The following TMEM200C variants were observed in gnomAD, a reference collection of about 807,000 sequenced individuals.
TMEM200C encodes the protein transmembrane protein 200C, also known as transmembrane protein TTMA.
For synonymous variants in TMEM200C, 462 were observed against 324.7 expected (o/e 1.42, Z -4.55); for missense variants, 966 against 699.9 (o/e 1.38, Z -4.29).
exon 3 of TMEM200C, chr18:5,882,559 T>C (rs1022441450): frequency 6.6e-6 from 1 of 152,182 alleles, no homozygotes; most frequent in African/African-American, 2.4e-5. Context: ...TGCACTTCAA[T>C]TGTGTTTTGG....
rs371186090 is a variant in TMEM200C, at chr18:5,894,131, G to A, written c.-95+899C>T. On this transcript the variant is annotated intron_variant, in intron 2 of 2. Coordinates refer to ENST00000581347, the Ensembl canonical transcript of TMEM200C. Reference sequence around the variant, plus strand: ...CAGGGTGGCTCTCCCACCGCAGAAAGGCTACATGTTTTGTTGGGCATTGAT... The same window carrying A: ...CAGGGTGGCTCTCCCACCGCAGAAAAGCTACATGTTTTGTTGGGCATTGAT... Among the ~76,000 whole-genome samples, 26 of 152,254 alleles carry A rather than the reference G, an allele frequency of 1.7e-4. 1 individual carries two copies. Among genetic ancestry groups the A allele is most frequent in the African/African-American group, 6.3e-4 (26 of 41,534 alleles).
exon 3 of TMEM200C, chr18:5,882,714 T>C (rs1019082621): frequency 2.0e-5 from 3 of 152,180 alleles, no homozygotes; most frequent in African/African-American, 7.2e-5. Context: ...TTATTATTAC[T>C]ATTACTATCA....
chr18:5,890,572 T>C (rs7506026), exon 3 of TMEM200C: 80,663 of 1,345,044 alleles, frequency 0.06, 2,658 homozygotes, highest in African/African-American at 0.083. Context: ...GCCAGAGGGC[T>C]GGAGTCCGGG....
chr18:5,890,386 C>G (rs11751), exon 3 of TMEM200C: 2 of 1,584,524 alleles, frequency 1.3e-6, no homozygotes, highest in Non-Finnish European at 1.7e-6. Flanking sequence ...ACAGCAGAGT[C>G]TCGCGTTTGA....
chr18:5,890,586 G>GCACT lies in TMEM200C; in HGVS notation c.1474_1477dup (p.Ala493GlufsTer38). The GCACT allele has an allele frequency of 7.9e-7, 1 of 1,271,150 alleles. No homozygotes were observed. The highest frequency in any genetic ancestry group is 1.0e-6 in the Non-Finnish European group (1 of 993,182). 78.7% of individuals were successfully genotyped at this position (1,271,150 alleles called of 1,614,324 possible). A position where few individuals can be genotyped will look rare whatever the true frequency, so the allele number is the denominator to read the frequency against. On this transcript the variant is annotated frameshift_variant, in exon 3 of 3. Coordinates refer to ENST00000581347, the Ensembl canonical transcript of TMEM200C. LOFTEE classifies it low-confidence loss of function (END_TRUNC). ...GGCCAGAGGGCTGGAGTCCGGGTCC[G>GCACT]CACTCCCCGGGGAGGGCGGGGGCTC...
chr18:5,890,964 G>A (rs1029984068), exon 3 of TMEM200C: 17 of 660,874 alleles, frequency 2.6e-5, no homozygotes, highest in Non-Finnish European at 4.6e-5. Flanking sequence ...GGAGCTGGCC[G>A]TGCTCTGGCG....
In TMEM200C at chr18:5,891,711, C is replaced by T. The variant is rs1299815796; in HGVS notation, c.353G>A (p.Arg118Lys). Residue 118 changes from arginine (R) to lysine (K), a missense_variant, in exon 3 of 3, where the codon AGG becomes AAG. Coordinates refer to ENST00000581347, the Ensembl canonical transcript of TMEM200C. This position sits in a 1 kb window ranked among gnomAD's most constrained non-coding sequence, Gnocchi z 4.7. ...ACTGGAGTTGACACCCCCTGGAGCC[C>T]TAGGGTGGCTCCTGGACCGGTTTTT... The T allele has an allele frequency of 6.2e-7, 1 of 1,613,248 alleles. No individual in the cohort carries two copies. Among genetic ancestry groups the T allele is most frequent in the Non-Finnish European group, 8.5e-7 (1 of 1,179,820 alleles).
At chr18:5,894,059 G>C (rs1176685710) in intron 2 of TMEM200C, among the ~76,000 whole-genome samples, 1 of 152,150 alleles carries the variant, frequency 6.6e-6, no homozygotes, top group Non-Finnish European at 1.5e-5. Flanking sequence ...TCTTAAGAAG[G>C]CTTTAAGGAC....
Position 5,891,143 on chromosome 18 carries a change from A to C in TMEM200C, c.921T>G (p.Ser307=). 2.0e-6 allele frequency: 1 copy of C among 499,392 alleles called. No individual in the cohort carries two copies. Among genetic ancestry groups the C allele is most frequent in the Non-Finnish European group, 3.2e-6 (1 of 307,806 alleles). The allele number at this position is 499,392 out of a possible 1,614,324, so 30.9% of individuals were successfully genotyped here. ...GGGGCTCCCGCGGACAGCGCGGGGA[A>C]GAGGCCAGGTCCGGCGGGGACGCGG... Residue 307 remains serine (S), a synonymous_variant, in exon 3 of 3, where the codon TCT becomes TCG. Coordinates refer to ENST00000581347, the Ensembl canonical transcript of TMEM200C. The surrounding 1 kb of genome is among the most constrained non-coding windows in gnomAD (Gnocchi z 4.7).
upstream of TMEM200C, among the ~76,000 whole-genome samples, chr18:5,896,114 C>T (rs1337045231): frequency 6.6e-6 from 1 of 152,126 alleles, no homozygotes; most frequent in Non-Finnish European, 1.5e-5. Flanking sequence ...GAACTCGGGC[C>T]CGGGCGGAGT....
chr18:5,895,646 G>A (rs1489209342), intron 1 of TMEM200C, among the ~76,000 whole-genome samples, 124 bp from the exon 1 acceptor site: 2 of 136,556 alleles, frequency 1.5e-5, no homozygotes, highest in Non-Finnish European at 3.1e-5. Flanking sequence ...CGCGTCCTCC[G>A]CCGCCCGCCG....
At chr18:5,890,612 G>C (rs986311106) in exon 3 of TMEM200C, 2 of 1,067,758 alleles carry the variant, frequency 1.9e-6, no homozygotes, top group Non-Finnish European at 2.4e-6. Context: ...GCGGGGGCTC[G>C]GGGGACGGCG....
At chr18:5,884,287 T>C (rs2095163826) in exon 3 of TMEM200C, 1 of 152,140 alleles carries the variant, frequency 6.6e-6, no homozygotes. Flanking sequence ...TAAATTGTGT[T>C]TTGTGTTCTG....
exon 3 of TMEM200C, chr18:5,886,430 T>G (rs750761451): frequency 1.5e-4 from 23 of 152,158 alleles, no homozygotes; most frequent in Non-Finnish European, 2.9e-4. Flanking sequence ...AAGGAGCATA[T>G]GTCTAGCTCT....
In TMEM200C at chr18:5,890,903, GC is replaced by G; in HGVS notation, c.1160del (p.Gly387AlafsTer34). On this transcript the variant is annotated frameshift_variant, in exon 3 of 3. Coordinates refer to ENST00000581347, the Ensembl canonical transcript of TMEM200C. LOFTEE classifies it low-confidence loss of function (END_TRUNC). ...CCTCCGCGTCCCCGCCCCTATCGCG[GC>G]CCCCTTGCAAGGGCAGCAGCGCGAA... is the stretch of plus-strand genomic sequence containing the variant. 1.5e-6 allele frequency: 1 copy of G among 682,220 alleles called. No homozygotes were observed. The highest frequency in any genetic ancestry group is 2.7e-6 in the Non-Finnish European group (1 of 375,774). The allele number at this position is 682,220 out of a possible 1,614,324, so 42.3% of individuals were successfully genotyped here. A position where few individuals can be genotyped will look rare whatever the true frequency, so the allele number is the denominator to read the frequency against.
chr18:5,892,710 T>G (rs1489800203), intron 2 of TMEM200C, among the ~76,000 whole-genome samples: 1 of 152,234 alleles, frequency 6.6e-6, no homozygotes, highest in African/African-American at 2.4e-5. Flanking sequence ...CAAAGGAATT[T>G]ATTTCACTGG....
chr18:5,882,683 C>T (rs374225653), exon 3 of TMEM200C: 2 of 152,058 alleles, frequency 1.3e-5, no homozygotes, highest in South Asian at 2.1e-4. Context: ...AATTACTTTT[C>T]GGTCTTTTTT....
exon 3 of TMEM200C, chr18:5,889,284 G>C (rs995030983): frequency 6.6e-6 from 1 of 152,108 alleles, no homozygotes; most frequent in Admixed American, 6.5e-5. Context: ...TTAAAAATAC[G>C]CTGGACATGC....
exon 3 of TMEM200C, chr18:5,884,130 A>C (rs896791732): frequency 5.9e-5 from 9 of 152,130 alleles, no homozygotes; most frequent in Non-Finnish European, 1.5e-5. Context: ...GCTACTTATA[A>C]AGGAGACATC....
Sources: gnomAD v4.1 joint callset for allele counts (sites outside exome capture counted in the v4.1 genomes callset) on GRCh38, gnomAD v4.1.1 for gene constraint, Gnocchi (gnomAD v3.1) non-coding constraint, MANE v1.5 for transcripts, NCBI Gene and HGNC (gene_info 2026-07-23, HGNC 2026-07-21) for gene names.